ZNF775: variants seen among roughly 807,000 people sequenced by gnomAD.
ZNF775 encodes the protein zinc finger protein 775.
ZNF775 carries 1 observed loss-of-function variant against 2.4 expected under a neutral mutation model. The observed-to-expected ratio is 0.41, with a 90% confidence interval of 0.15 to 1.94. The LOEUF is 1.94. Ranked by LOEUF, ZNF775 falls within the 30% of genes most tolerant of loss-of-function variation. ZNF775 has a pLI of 0.30. For synonymous variants in ZNF775, 381 were observed against 373.3 expected (o/e 1.02, Z -0.24); for missense variants, 823 against 826.6 (o/e 1.00, Z 0.05).
In ZNF775 at chr7:150,397,562, C is replaced by T. The variant is rs1479397696; in HGVS notation, c.1081C>T (p.Pro361Ser). The change falls in exon 3 of 3, where the codon CCC (proline) becomes TCC (serine). Residue 361 changes from proline to serine, a missense_variant. By Grantham distance (74) the Pro-to-Ser change is moderately conservative. Coordinates refer to ENST00000329630, the MANE Select transcript of ZNF775 (RefSeq NM_173680.4). ...HLLKHLRTHLPGAQAAPCPSC... is the reference protein window; with the variant it reads ...HLLKHLRTHLSGAQAAPCPSC... ...GCTCAAGCACCTGCGCACGCACCTG[C>T]CCGGCGCCCAGGCTGCGCCCTGCCC... The T allele has an allele frequency of 6.6e-7, 1 of 1,517,816 alleles. No individual in the cohort carries two copies. The highest frequency in any genetic ancestry group is 2.0e-5 in the Admixed American group (1 of 49,260). 94.0% of individuals were successfully genotyped at this position (1,517,816 alleles called of 1,614,324 possible).
rs1170182060 is a variant in ZNF775 at position 150,397,873 on chromosome 7, C to G, written c.1392C>G (p.His464Gln). Residue 464 changes from histidine (H) to glutamine (Q), a missense_variant, in exon 3 of 3, where the codon CAC becomes CAG. Physicochemically the swap from His to Gln is conservative, Grantham distance 24. Coordinates refer to ENST00000329630, the MANE Select transcript of ZNF775 (RefSeq NM_173680.4). ...SFSWWSALTI[H>Q]QRIHTGERPY... ...CGTGGTGGTCGGCGCTCACCATCCA[C>G]CAGCGCATCCACACGGGTGAGCGGC... 2 of 1,603,622 alleles carry G rather than the reference C, an allele frequency of 1.2e-6. No homozygotes were observed. Among genetic ancestry groups the G allele is most frequent in the African/African-American group, 1.3e-5 (1 of 74,758 alleles).
chr7:150,393,702 C>T (rs1800600507), intron 2 of ZNF775, among the ~76,000 whole-genome samples: 1 of 152,156 alleles, frequency 6.6e-6, no homozygotes, highest in African/African-American at 2.4e-5. Context: ...GAGTTTTGCT[C>T]TCGTTGCCCA....
At chr7:150,391,608 CAT>C (rs1249267358) in intron 2 of ZNF775, among the ~76,000 whole-genome samples, 3 of 151,624 alleles carry the variant, frequency 2.0e-5, no homozygotes, top group Non-Finnish European at 4.4e-5. Flanking sequence ...TCAGTAACCA[CAT>C]GTGTTTCAAG....
chr7:150,397,115 G>A lies in ZNF775; in HGVS notation c.634G>A (p.Ala212Thr), dbSNP rs1427602238. ...GGTGGGCCTCCGCATCCACCAGCGC[G>A]CGCACGCCCGGGACCGCCAGGGCTC... ...HQVGLRIHQR[A>T]HARDRQGSRA... Residue 212 changes from alanine to threonine, a missense_variant, in exon 3 of 3, where the codon GCG (alanine) becomes ACG (threonine). By Grantham distance (58) the Ala-to-Thr change is moderately conservative. Coordinates refer to ENST00000329630, the MANE Select transcript of ZNF775 (RefSeq NM_173680.4). 2.0e-6 allele frequency: 3 copies of A among 1,530,436 alleles called. No individual in the cohort carries two copies. Among genetic ancestry groups the A allele is most frequent in the Admixed American group, 2.1e-5 (1 of 46,696 alleles). 94.8% of individuals were successfully genotyped at this position (1,530,436 alleles called of 1,614,324 possible). A position where few individuals can be genotyped will look rare whatever the true frequency, so the allele number is the denominator to read the frequency against.
chr7:150,380,522 A>G (rs1049949072), intron 1 of ZNF775, among the ~76,000 whole-genome samples: 1 of 152,150 alleles, frequency 6.6e-6, no homozygotes, highest in Admixed American at 6.5e-5. Flanking sequence ...GCGATCCCTA[A>G]TCTGGGCTGG....
intron 1 of ZNF775, among the ~76,000 whole-genome samples, chr7:150,386,081 A>C (rs1048767184): frequency 2.6e-5 from 4 of 152,066 alleles, no homozygotes; most frequent in African/African-American, 9.7e-5. Flanking sequence ...GATTACAGAC[A>C]TGTGCCACTA....
At chr7:150,391,665 G>A (rs1196734071) in intron 2 of ZNF775, among the ~76,000 whole-genome samples, 1 of 150,566 alleles carries the variant, frequency 6.6e-6, no homozygotes, top group African/African-American at 2.4e-5. Flanking sequence ...GGTTCTGTGG[G>A]AAAATGCTGC....
rs761370049 is a variant in ZNF775 at position 150,398,520 on chromosome 7, C to T, written c.*425C>T. 1 of 181,832 alleles carries T rather than the reference C, an allele frequency of 5.5e-6. No individual in the cohort carries two copies. Among genetic ancestry groups the T allele is most frequent in the Non-Finnish European group, 1.1e-5 (1 of 88,390 alleles). 11.3% of individuals were successfully genotyped at this position (181,832 alleles called of 1,614,324 possible). ...CTGTGGGAGAGTTGCCAAGACTCGG[C>T]GATACCAAGGATGGAAGCCAGAGGC... On this transcript the variant is annotated 3_prime_UTR_variant, in exon 3 of 3. Transcript: ENST00000329630.
rs1800410894 is a variant in ZNF775 at position 150,384,103 on chromosome 7, G to A, written c.-49-4319G>A. 6.6e-6 allele frequency among the ~76,000 whole-genome samples: 1 copy of A among 152,232 alleles called. No individual in the cohort carries two copies. Among genetic ancestry groups the A allele is most frequent in the African/African-American group, 2.4e-5 (1 of 41,470 alleles). ...GGGCCCAGGCTGAGGCCTGCCCACT[G>A]TGAGGCTCTTAACTGAACTGCAGCC... On this transcript the variant is annotated intron_variant, in intron 1 of 2. Coordinates refer to ENST00000329630, the MANE Select transcript of ZNF775 (RefSeq NM_173680.4). The surrounding 1 kb of genome is among the most constrained non-coding windows in gnomAD (Gnocchi z 4.1).
Position 150,392,709 on chromosome 7 carries a change from A to AT in ZNF775, c.32-3798dup, listed in dbSNP as rs1800580996. 2.6e-5 allele frequency among the ~76,000 whole-genome samples: 4 copies of AT among 152,040 alleles called. No homozygotes were observed. In the South Asian group the frequency reaches 8.3e-4, roughly 32 times the overall value. On this transcript the variant is annotated intron_variant, in intron 2 of 2. Coordinates refer to ENST00000329630, the MANE Select transcript of ZNF775 (RefSeq NM_173680.4). ...CCACCACACCCAGCTAATTTAATAA[A>AT]TTTTTTATACAGACAGGTGTTGCTA...
intron 1 of ZNF775, among the ~76,000 whole-genome samples, chr7:150,380,513 C>G (rs1298824782): frequency 6.6e-6 from 1 of 152,138 alleles, no homozygotes; most frequent in Non-Finnish European, 1.5e-5. Context: ...CTGGTCAAAG[C>G]GATCCCTAAT....
Position 150,397,679 on chromosome 7 carries a change from C to G in ZNF775, c.1198C>G (p.Pro400Ala). ...VAEPAVPAGE[P>A]GDQPQAEAIP... ...TGAGCCCGCCGTTCCGGCCGGGGAA[C>G]CGGGCGACCAGCCGCAGGCCGAGGC... Residue 400 changes from proline (P) to alanine (A), a missense_variant, in exon 3 of 3, where the codon CCG becomes GCG. By Grantham distance (27) the Pro-to-Ala change is conservative. Transcript: ENST00000329630. 7.5e-7 allele frequency: 1 copy of G among 1,337,612 alleles called. No individual in the cohort carries two copies. Among genetic ancestry groups the G allele is most frequent in the Non-Finnish European group, 9.5e-7 (1 of 1,050,320 alleles). 82.9% of individuals were successfully genotyped at this position (1,337,612 alleles called of 1,614,324 possible).
chr7:150,391,822 C>T (rs1383506978), intron 2 of ZNF775, among the ~76,000 whole-genome samples: 1 of 146,360 alleles, frequency 6.8e-6, no homozygotes, highest in Admixed American at 7.1e-5. Flanking sequence ...GGTGATTTTC[C>T]TGCCTCAGCC....
rs185509873 is a variant in ZNF775 at position 150,385,863 on chromosome 7, G to A, written c.-49-2559G>A. Among the ~76,000 whole-genome samples the A allele has an allele frequency of 5.4e-3, 816 of 152,308 alleles. 7 individuals are homozygous for A. The highest frequency in any genetic ancestry group is 0.019 in the African/African-American group (776 of 41,556). On this transcript the variant is annotated intron_variant, in intron 1 of 2. Transcript: ENST00000329630. ...TCCTACCCTCCCATGGAGACTGGGA[G>A]GCAGGGGTGATGTCTTCCTTGATAC...
Position 150,397,736 on chromosome 7 carries a change from T to G in ZNF775, c.1255T>G (p.Ser419Ala). The G allele has an allele frequency of 6.9e-7, 1 of 1,456,356 alleles. No homozygotes were observed. The highest frequency in any genetic ancestry group is 9.0e-7 in the Non-Finnish European group (1 of 1,112,216). The allele number at this position is 1,456,356 out of a possible 1,614,324, so 90.2% of individuals were successfully genotyped here. Residue 419 changes from serine (S) to alanine (A), a missense_variant, in exon 3 of 3, where the codon TCC becomes GCC. Transcript: ENST00000329630. Reference protein sequence around the residue: ...IPGLAARPRSSQRSPGARDTL... With the variant: ...IPGLAARPRSAQRSPGARDTL... ...GGGCTTGGCCGCGAGGCCGCGGAGC[T>G]CCCAACGGTCCCCGGGGGCCCGGGA...
chr7:150,387,584 C>T (rs371324817), intron 1 of ZNF775, among the ~76,000 whole-genome samples: 17 of 152,104 alleles, frequency 1.1e-4, no homozygotes, highest in South Asian at 4.1e-4. Context: ...GAGACTGAGG[C>T]GGGCGGATCA....
Position 150,397,671 on chromosome 7 carries a change from C to A in ZNF775, c.1190C>A (p.Ala397Asp). Reference sequence around the variant, plus strand: ...GCTGTCGCTGAGCCCGCCGTTCCGGCCGGGGAACCGGGCGACCAGCCGCAG... The same window carrying A: ...GCTGTCGCTGAGCCCGCCGTTCCGGACGGGGAACCGGGCGACCAGCCGCAG... ...AHAVAEPAVP[A>D]GEPGDQPQAE... is the part of the protein sequence containing the mutation. The change falls in exon 3 of 3, where the codon GCC (alanine) becomes GAC (aspartate). Residue 397 changes from alanine to aspartate, a missense_variant. Physicochemically the swap from Ala to Asp is moderately radical, Grantham distance 126. Coordinates refer to ENST00000329630, the MANE Select transcript of ZNF775 (RefSeq NM_173680.4). The A allele has an allele frequency of 7.5e-7, 1 of 1,329,838 alleles. No individual in the cohort carries two copies. The highest frequency in any genetic ancestry group is 9.6e-7 in the Non-Finnish European group (1 of 1,045,582). 82.4% of individuals were successfully genotyped at this position (1,329,838 alleles called of 1,614,324 possible). A position where few individuals can be genotyped will look rare whatever the true frequency, so the allele number is the denominator to read the frequency against.
At position 150,398,093 on chromosome 7, in the gene ZNF775, T is replaced by C; in HGVS notation, c.1612T>C (p.Ter538GlnextTer44). The C allele has an allele frequency of 1.3e-6, 2 of 1,547,714 alleles. No homozygotes were observed. The highest frequency in any genetic ancestry group is 1.7e-6 in the Non-Finnish European group (2 of 1,150,970). Residue 538 changes from the stop codon to glutamine (Q), a stop_lost, in exon 3 of 3, where the codon TAG (stop) becomes CAG (glutamine). Transcript: ENST00000329630. ...PACSPKEEAR[*>Q] ...GTGCAGCCCCAAGGAGGAGGCGCGCTAGTGGACTGGACCTCAGCGGACCCG... is the reference window on the plus strand; with the variant it reads ...GTGCAGCCCCAAGGAGGAGGCGCGCCAGTGGACTGGACCTCAGCGGACCCG...
intron 2 of ZNF775, among the ~76,000 whole-genome samples, chr7:150,389,874 T>C (rs1462359643): frequency 8.8e-5 from 1 of 11,370 alleles, no homozygotes; most frequent in Non-Finnish European, 2.3e-4. Context: ...TGTGTGTGTG[T>C]GTGTGTGTGT....
Sources: allele counts gnomAD v4.1 joint callset (sites outside exome capture counted in the v4.1 genomes callset), GRCh38; gene constraint gnomAD v4.1.1; non-coding constraint Gnocchi (gnomAD v3.1); transcripts MANE v1.5; gene names NCBI Gene and HGNC (gene_info 2026-07-23, HGNC 2026-07-21).